ANK3: variants seen among roughly 807,000 people sequenced by gnomAD.
ANK3 encodes the protein ankyrin-3.
A neutral mutation model predicts 370.9 loss-of-function variants in ANK3; 57 were observed. The observed-to-expected ratio is 0.15, with a 90% CI of 0.12 to 0.19. ANK3 has a LOEUF of 0.19. Ranked by LOEUF, ANK3 falls within the 10% of genes least tolerant of loss-of-function variation. The pLI is 1.00. For synonymous variants in ANK3, 1,929 were observed against 1,946.3 expected (o/e 0.99, Z 0.23); for missense variants, 4,439 against 5,302.1 (o/e 0.84, Z 5.06).
intron 12 of ANK3, 38 bp from the exon 13 acceptor site, chr10:60,200,265 T>G (rs748643452): frequency 6.7e-7 from 1 of 1,485,172 alleles, no homozygotes; most frequent in Non-Finnish European, 9.4e-7. Context: ...GCTGCAGCTC[T>G]GAAGAAGAGT....
chr10:60,127,438 G>A (rs184801869), intron 25 of ANK3, among the ~76,000 whole-genome samples: 102 of 152,238 alleles, frequency 6.7e-4, no homozygotes, highest in Non-Finnish European at 7.4e-5. Flanking sequence ...AACCGACATC[G>A]ATAAGTGACT....
At chr10:60,038,255 G>A (rs2075464210) in intron 43 of ANK3, among the ~76,000 whole-genome samples, 1 of 152,112 alleles carries the variant, frequency 6.6e-6, no homozygotes, top group Admixed American at 6.5e-5. Flanking sequence ...AAATTAGCGG[G>A]GCATGGTAGC....
chr10:60,447,604 G>A (rs930634980), intron 2 of ANK3, among the ~76,000 whole-genome samples: 4 of 152,066 alleles, frequency 2.6e-5, no homozygotes, highest in African/African-American at 4.8e-5. Flanking sequence ...TGTGAGAAGG[G>A]GTGTTCCCTG....
chr10:60,638,967 A>C (rs1324630980), intron 1 of ANK3, among the ~76,000 whole-genome samples: 2 of 152,066 alleles, frequency 1.3e-5, no homozygotes, highest in African/African-American at 2.4e-5. Flanking sequence ...TATTTGAAGA[A>C]GTTATGGCTG....
At chr10:60,421,124 C>A (rs7092863) in intron 2 of ANK3, among the ~76,000 whole-genome samples, 1 of 151,874 alleles carries the variant, frequency 6.6e-6, no homozygotes, top group Non-Finnish European at 1.5e-5. Context: ...ATATAAAATA[C>A]CTAGACTAGG....
intron 2 of ANK3, among the ~76,000 whole-genome samples, chr10:60,471,486 T>C (rs1027330037): frequency 2.6e-5 from 4 of 152,178 alleles, no homozygotes; most frequent in Non-Finnish European, 4.4e-5. Flanking sequence ...GGTATTCAGT[T>C]GCATGGATGT....
At chr10:60,518,093 C>G (rs958543397) in intron 2 of ANK3, among the ~76,000 whole-genome samples, 2 of 152,088 alleles carry the variant, frequency 1.3e-5, no homozygotes, top group Non-Finnish European at 2.9e-5. Context: ...AATACGTTAG[C>G]ACCACGCTAC....
chr10:60,431,248 G>A (rs1478404351), intron 2 of ANK3, among the ~76,000 whole-genome samples: 1 of 152,156 alleles, frequency 6.6e-6, no homozygotes, highest in African/African-American at 2.4e-5. Context: ...TTCTCATAAG[G>A]AGCATACAGC....
chr10:60,433,282 C>T (rs2064076517), intron 2 of ANK3, among the ~76,000 whole-genome samples: 1 of 152,050 alleles, frequency 6.6e-6, no homozygotes, highest in Non-Finnish European at 1.5e-5. Context: ...GCAGCAGAGC[C>T]ACAGTGGGAT....
At chr10:60,621,085 T>A (rs535332634) in intron 1 of ANK3, among the ~76,000 whole-genome samples, 1 of 152,328 alleles carries the variant, frequency 6.6e-6, no homozygotes, top group African/African-American at 2.4e-5. Context: ...GCCTGCAATC[T>A]GCTCTACTGA....
chr10:60,166,733 G>C (rs1040379335), intron 22 of ANK3, 80 bp from the exon 23 acceptor site: 1 of 1,584,210 alleles, frequency 6.3e-7, no homozygotes. Flanking sequence ...CAATATTCCT[G>C]ATAAACATTT....
chr10:60,280,060 G>A (rs1159965099), intron 1 of ANK3, among the ~76,000 whole-genome samples: 1 of 152,058 alleles, frequency 6.6e-6, no homozygotes, highest in Non-Finnish European at 1.5e-5. Context: ...GATTCAAAAT[G>A]GCATTATTCT....
chr10:60,119,737 A>G (rs2093348181), intron 25 of ANK3, among the ~76,000 whole-genome samples: 1 of 152,140 alleles, frequency 6.6e-6, no homozygotes, highest in Non-Finnish European at 1.5e-5. Flanking sequence ...GTGCCGTTGC[A>G]CTCTATCCTG....
At chr10:60,637,290 T>A (rs2078567866) in intron 1 of ANK3, among the ~76,000 whole-genome samples, 1 of 152,152 alleles carries the variant, frequency 6.6e-6, no homozygotes, top group East Asian at 1.9e-4. Flanking sequence ...ATAACTCACT[T>A]ATGAGCCTTT....
chr10:60,260,601 G>A (rs772573048), intron 7 of ANK3, among the ~76,000 whole-genome samples: 1 of 152,162 alleles, frequency 6.6e-6, no homozygotes, highest in African/African-American at 2.4e-5. Flanking sequence ...CAGTCTGGTG[G>A]GAGGTGATTG....
At chr10:60,483,223 T>C (rs2075268640) in intron 2 of ANK3, among the ~76,000 whole-genome samples, 1 of 152,174 alleles carries the variant, frequency 6.6e-6, no homozygotes, top group African/African-American at 2.4e-5. Context: ...AGGCATTCAA[T>C]CATCATAAAA....
intron 2 of ANK3, among the ~76,000 whole-genome samples, chr10:60,500,307 C>T (rs1169178978): frequency 6.6e-6 from 1 of 152,154 alleles, no homozygotes; most frequent in Admixed American, 6.5e-5. Flanking sequence ...AGGGGTAACA[C>T]TTTAAGCAAC....
At position 60,056,052 on chromosome 10, in the gene ANK3, T is replaced by C. The variant is rs2079097128; in HGVS notation, c.12687-16A>G. 1.9e-6 allele frequency: 3 copies of C among 1,581,990 alleles called. No individual in the cohort carries two copies. The highest frequency in any genetic ancestry group is 2.6e-6 in the Non-Finnish European group (3 of 1,168,786). ...CTGGTCAGGGCTGCAACAGAAAATT[T>C]GCAAATTCACAATGGCAAACTATGA... On this transcript the variant is annotated splice_polypyrimidine_tract_variant and intron_variant, in intron 41 of 43. Transcript: ENST00000280772.
At chr10:60,434,765 C>G (rs2064116191) in intron 2 of ANK3, among the ~76,000 whole-genome samples, 1 of 152,196 alleles carries the variant, frequency 6.6e-6, no homozygotes, top group African/African-American at 2.4e-5. Context: ...AAGCTCAAAT[C>G]AAATGGTTTC....
Sources: gnomAD v4.1 joint callset for allele counts (sites outside exome capture counted in the v4.1 genomes callset) on GRCh38, gnomAD v4.1.1 for gene constraint, MANE v1.5 for transcripts, NCBI Gene and HGNC (gene_info 2026-07-23, HGNC 2026-07-21) for gene names.